Variants in MTMR8 observed in about 807,000 individuals in gnomAD.
The protein encoded by MTMR8 is myotubularin related protein 8, also known as phosphatidylinositol-3,5-bisphosphate 3-phosphatase MTMR8.
A neutral mutation model predicts 39.3 loss-of-function variants in MTMR8; 65 were observed. That is an observed-to-expected ratio of 1.65 (90% confidence interval 1.35 to 2.03). The LOEUF is 2.03. Among genes scored for constraint, MTMR8 ranks in the 30% most tolerant of loss-of-function variants. The pLI, the probability that MTMR8 is intolerant of heterozygous loss-of-function variation, is 0.00. For missense variants in MTMR8, 777 were observed against 538.9 expected (o/e 1.44, Z -4.37); for synonymous variants, 245 against 185.2 (o/e 1.32, Z -2.62).
chrX:64,320,332 C>T (rs1351110196), intron 12 of MTMR8, among the ~76,000 whole-genome samples: 1 of 111,092 alleles, frequency 9.0e-6, no homozygotes, highest in African/African-American at 3.3e-5. Flanking sequence ...CTGCCATCCC[C>T]TATTCCCCAG....
Position 64,328,868 on chromosome X carries a change from A to G in MTMR8, c.1385T>C (p.Phe462Ser), listed in dbSNP as rs773681195. The G allele has an allele frequency of 8.3e-7, 1 of 1,199,111 alleles. No homozygotes were observed. Among genetic ancestry groups the G allele is most frequent in the South Asian group, 1.8e-5 (1 of 54,342 alleles). ...VYEKTHSVWP[F>S]LVQRKPDFRN... ...GAAGTCTGGTTTCCTCTGAACCAAG[A>G]AAGGCCACACAGAATGTGTTTTCTC... Residue 462 changes from phenylalanine (F) to serine (S), a missense_variant, in exon 12 of 14, where the codon TTC (phenylalanine) becomes TCC (serine). Transcript: ENST00000374852.
intron 12 of MTMR8, among the ~76,000 whole-genome samples, chrX:64,300,050 T>C (rs1430447011): frequency 1.1e-5 from 1 of 94,955 alleles, no homozygotes; most frequent in Non-Finnish European, 2.1e-5. Context: ...AAAAAATGTA[T>C]ATTCTGTTGA....
chrX:64,269,437 A>T (rs1931707344), intron 13 of MTMR8, among the ~76,000 whole-genome samples: 1 of 111,687 alleles, frequency 9.0e-6, no homozygotes, highest in African/African-American at 3.3e-5. Flanking sequence ...AAATGAAGAA[A>T]CTGAGGCTCA....
intron 12 of MTMR8, among the ~76,000 whole-genome samples, chrX:64,297,572 G>T (rs1238206730): frequency 1.1e-5 from 1 of 89,332 alleles, no homozygotes; most frequent in Non-Finnish European, 2.2e-5. Flanking sequence ...CTGTGCAGAA[G>T]CTCTTTAGTT....
chrX:64,344,526 C>G (rs923205972), intron 7 of MTMR8, among the ~76,000 whole-genome samples: 5 of 111,091 alleles, frequency 4.5e-5, no homozygotes, highest in African/African-American at 1.6e-4. Flanking sequence ...TTGTAAGGCC[C>G]CAATCCCACC....
In MTMR8 at chrX:64,354,811, T is replaced by A. The variant is rs371862418; in HGVS notation, c.434A>T (p.Asn145Ile). The change falls in exon 4 of 14, where the codon AAC becomes ATC. Residue 145 changes from asparagine to isoleucine, a missense_variant. Transcript: ENST00000374852. ...DFGRMGIPNR[N>I]WTITDANRNY... ...TCTGTTGGCATCTGTTATGGTCCAG[T>A]TTCTGTTGGGTATTCCCATACGCCC... is the stretch of plus-strand genomic sequence containing the variant. 5.2e-5 allele frequency: 62 copies of A among 1,203,164 alleles called. No individual in the cohort carries two copies. Among genetic ancestry groups the A allele is most frequent in the Non-Finnish European group, 6.4e-5 (57 of 892,259 alleles).
intron 2 of MTMR8, among the ~76,000 whole-genome samples, chrX:64,357,212 A>G (rs1190215117): frequency 9.0e-6 from 1 of 111,311 alleles, no homozygotes; most frequent in African/African-American, 3.3e-5. Context: ...TTCTGCAACT[A>G]TGGAGCCTGG....
intron 11 of MTMR8, 157 bp downstream of exon 11, chrX:64,331,400 G>C: frequency 2.1e-6 from 1 of 465,891 alleles, no homozygotes; most frequent in Non-Finnish European, 3.8e-6. Context: ...AGAGATCTCT[G>C]TGCAAACATT....
chrX:64,314,020 C>T (rs979212039), intron 12 of MTMR8, among the ~76,000 whole-genome samples: 6 of 112,169 alleles, frequency 5.3e-5, no homozygotes, highest in Non-Finnish European at 9.4e-5. Flanking sequence ...TGACTGGGTT[C>T]ATTTCTGGAA....
At chrX:64,307,003 G>C (rs1922141773) in intron 12 of MTMR8, among the ~76,000 whole-genome samples, 2 of 112,144 alleles carry the variant, frequency 1.8e-5, no homozygotes. Flanking sequence ...TGTAATGCAT[G>C]CTGAGAGTGA....
chrX:64,393,262 T>C (rs1210234343), intron 1 of MTMR8, among the ~76,000 whole-genome samples: 1 of 111,955 alleles, frequency 8.9e-6, no homozygotes, highest in Non-Finnish European at 1.9e-5. Context: ...TAGTATCTCC[T>C]AATAGGTTAT....
chrX:64,339,436 G>A (rs749066903), intron 8 of MTMR8, among the ~76,000 whole-genome samples: 5 of 111,463 alleles, frequency 4.5e-5, no homozygotes, highest in African/African-American at 1.6e-4. Flanking sequence ...ACAAGTCAAA[G>A]GTCATAAGAC....
chrX:64,300,869 G>GA (rs1437077936), intron 12 of MTMR8, among the ~76,000 whole-genome samples: 1 of 110,302 alleles, frequency 9.1e-6, no homozygotes, highest in Non-Finnish European at 1.9e-5. Context: ...ATTCTGGGTT[G>GA]AAAATTCTTT....
At chrX:64,362,471 GAAAAAAAAAAAAA>G (rs760545171) in intron 1 of MTMR8, among the ~76,000 whole-genome samples, 26 of 5,497 alleles carry the variant, frequency 4.7e-3, no homozygotes, top group South Asian at 0.018. Context: ...TACTATTGCA[GAAAAAAAAAAAAA>G]AAAAAAAAAA....
intron 12 of MTMR8, among the ~76,000 whole-genome samples, chrX:64,322,353 G>A (rs1263323193): frequency 1.8e-5 from 2 of 111,074 alleles, no homozygotes; most frequent in Non-Finnish European, 3.8e-5. Flanking sequence ...AGGGGTATTG[G>A]CCAGGGATAT....
chrX:64,273,048 T>C (rs769068247), intron 12 of MTMR8, among the ~76,000 whole-genome samples: 1 of 111,328 alleles, frequency 9.0e-6, no homozygotes, highest in Non-Finnish European at 1.9e-5. Flanking sequence ...GGAAGTCTTC[T>C]CCTTAGATTG....
At chrX:64,356,933 GA>G (rs1923641845) in intron 2 of MTMR8, among the ~76,000 whole-genome samples, 1 of 111,234 alleles carries the variant, frequency 9.0e-6, no homozygotes, top group African/African-American at 3.3e-5. Context: ...TTAAGTCCAG[GA>G]TTAAGTTCTG....
intron 12 of MTMR8, among the ~76,000 whole-genome samples, chrX:64,320,528 A>G (rs1922609243): frequency 9.0e-6 from 1 of 110,715 alleles, no homozygotes; most frequent in Non-Finnish European, 1.9e-5. Flanking sequence ...TCAGAGCTAG[A>G]GTGGCCTTTT....
intron 1 of MTMR8, among the ~76,000 whole-genome samples, chrX:64,376,667 TA>T (rs1924277305): frequency 8.9e-6 from 1 of 112,576 alleles, no homozygotes; most frequent in Admixed American, 9.4e-5. Flanking sequence ...AAGCACAGCA[TA>T]AAAGTTTAGA....
Sources: gnomAD v4.1 joint callset for allele counts (sites outside exome capture counted in the v4.1 genomes callset) on GRCh38, gnomAD v4.1.1 for gene constraint, MANE v1.5 for transcripts, NCBI Gene and HGNC (gene_info 2026-07-23, HGNC 2026-07-21) for gene names.